Variants in CHD7 observed in about 807,000 individuals in gnomAD.
CHD7 encodes the protein ATP-dependent chromatin remodeler CHD7.
A neutral mutation model predicts 307.3 loss-of-function variants in CHD7; 24 were observed. The observed-to-expected ratio is 0.08, with a 90% CI of 0.06 to 0.11. The LOEUF is 0.11. CHD7 is among the 10% of genes least tolerant of loss of function. The pLI is 1.00. For missense variants in CHD7, 3,106 were observed against 3,727.1 expected (o/e 0.83, Z 4.34); for synonymous variants, 1,363 against 1,349.9 (o/e 1.01, Z -0.21).
chr8:60,734,681 G>A (rs758854440), intron 1 of CHD7, among the ~76,000 whole-genome samples: 6 of 152,180 alleles, frequency 3.9e-5, no homozygotes, highest in Non-Finnish European at 7.3e-5. Flanking sequence ...TAAACTTTGA[G>A]TAGTTTGATA....
In CHD7 at chr8:60,862,513, G is replaced by T. The variant is rs1343184263; in HGVS notation, c.7972-35G>T. The T allele has an allele frequency of 2.0e-6, 3 of 1,533,668 alleles. No homozygotes were observed. The South Asian group carries it at 3.6e-5, about 18-fold the overall frequency. On this transcript the variant is annotated intron_variant, in intron 36 of 37. Coordinates refer to ENST00000423902, the MANE Select transcript of CHD7 (RefSeq NM_017780.4). The stretch of plus-strand genomic sequence containing the variant: ...ATTAACAGAAAGGGGAGGGAAGACT[G>T]TGTTTTTAATCATTTGTCAAATGCC...
rs544185420 is a variant in CHD7, at chr8:60,860,066, T to C, written c.7609-838T>C. 3.4e-4 allele frequency among the ~76,000 whole-genome samples: 52 copies of C among 152,220 alleles called. 1 individual carries two copies. The highest frequency in any genetic ancestry group is 1.2e-3 in the African/African-American group (49 of 41,530). ...AGAGCTGTGGGGAAGGAGAAATGGG[T>C]GTCTGGAGGTTGAAATAACTGTAGA... On this transcript the variant is annotated intron_variant, in intron 34 of 37. Transcript: ENST00000423902.
chr8:60,811,142 G>T (rs1812786521), intron 7 of CHD7, among the ~76,000 whole-genome samples: 1 of 152,166 alleles, frequency 6.6e-6, no homozygotes, highest in Non-Finnish European at 1.5e-5. Flanking sequence ...TGCCAAAAAG[G>T]TTGGGGCCTC....
At position 60,841,931 on chromosome 8, in the gene CHD7, T is replaced by G; in HGVS notation, c.4729T>G (p.Ser1577Ala). 6.2e-7 allele frequency: 1 copy of G among 1,612,328 alleles called. No homozygotes were observed. Among genetic ancestry groups the G allele is most frequent in the South Asian group, 1.1e-5 (1 of 90,726 alleles). ...AVKEDELMEF[S>A]DLESDSEEKP... is the part of the protein sequence containing the mutation. ...GAAGGAAGATGAGCTGATGGAGTTC[T>G]CAGACTTGGAAAGTGATTCTGAAGA... The change falls in exon 21 of 38, where the codon TCA (serine) becomes GCA (alanine). Residue 1577 changes from serine (S) to alanine (A), a missense_variant. Ser to Ala is a moderately conservative substitution (Grantham distance 99). Coordinates refer to ENST00000423902, the MANE Select transcript of CHD7 (RefSeq NM_017780.4).
At position 60,837,677 on chromosome 8, in the gene CHD7, A is replaced by G. The variant is rs1586419356; in HGVS notation, c.4195A>G (p.Arg1399Gly). The part of the protein sequence containing the change: ...NPQNDLQAQA[R>G]CHRIGQSKSV... ...TTCATTTTTCTTCCAGGCTCAGGCT[A>G]GATGTCATAGAATAGGACAGAGCAA... Residue 1399 changes from arginine (R) to glycine (G), a missense_variant, in exon 18 of 38, where the codon AGA becomes GGA. By Grantham distance (125) the Arg-to-Gly change is moderately radical (BLOSUM62 -2). This residue lies in a region of CHD7 where 93 missense variants were observed against 176.4 expected (regional missense o/e 0.53). Coordinates refer to ENST00000423902, the MANE Select transcript of CHD7 (RefSeq NM_017780.4). The G allele has an allele frequency of 6.4e-7, 1 of 1,566,904 alleles. No individual in the cohort carries two copies. The highest frequency in any genetic ancestry group is 8.7e-7 in the Non-Finnish European group (1 of 1,154,742).
chr8:60,865,734 G>A lies in CHD7; in HGVS notation c.8795G>A (p.Gly2932Asp). The change falls in exon 38 of 38, where the codon GGC becomes GAC. Residue 2932 changes from glycine to aspartate, a missense_variant. Transcript: ENST00000423902. The surrounding 1 kb of genome is among the most constrained non-coding windows in gnomAD (Gnocchi z 4.3). Reference protein sequence around the residue: ...PALAGLQNAVGSSEEKAADKA... With the variant: ...PALAGLQNAVDSSEEKAADKA... Reference sequence around the variant, plus strand: ...TTGGCAGGACTTCAGAATGCCGTGGGCTCCAGCGAAGAAAAGGCTGCTGAC... The same window carrying A: ...TTGGCAGGACTTCAGAATGCCGTGGACTCCAGCGAAGAAAAGGCTGCTGAC... 6.2e-7 allele frequency: 1 copy of A among 1,611,838 alleles called. No homozygotes were observed. Among genetic ancestry groups the A allele is most frequent in the Non-Finnish European group, 8.5e-7 (1 of 1,178,562 alleles).
In CHD7 at chr8:60,687,076, C is replaced by T. The variant is rs185165229; in HGVS notation, c.-175+7994C>T. ...GATTACTGGCATGCACCACTGTGCC[C>T]TGTTATATCAACATTTTAGAAATCT... On this transcript the variant is annotated intron_variant, in intron 1 of 37. Coordinates refer to ENST00000423902, the MANE Select transcript of CHD7 (RefSeq NM_017780.4). Among the ~76,000 whole-genome samples, 5 of 152,284 alleles carry T rather than the reference C, an allele frequency of 3.3e-5. No individual in the cohort carries two copies. In the East Asian group the frequency reaches 5.8e-4, roughly 18 times the overall value.
At chr8:60,745,909 A>T (rs1424058632) in intron 2 of CHD7, among the ~76,000 whole-genome samples, 1 of 152,262 alleles carries the variant, frequency 6.6e-6, no homozygotes, top group African/African-American at 2.4e-5. Context: ...CCGAGTGCCT[A>T]GTATAATGTC....
At chr8:60,828,146 C>G (rs1804339526) in intron 13 of CHD7, among the ~76,000 whole-genome samples, 1 of 152,120 alleles carries the variant, frequency 6.6e-6, no homozygotes, top group African/African-American at 2.4e-5. Flanking sequence ...GTATTTACAA[C>G]CAAGCTGACC....
rs1809018923 is a variant in CHD7 at position 60,741,614 on chromosome 8, A to G, written c.182A>G (p.Gln61Arg). Residue 61 changes from glutamine to arginine, a missense_variant, in exon 2 of 38, where the codon CAA becomes CGA. Gln to Arg is a conservative substitution (Grantham distance 43). This residue lies in a region of CHD7 where 998 missense variants were observed against 1,004.5 expected (regional missense o/e 0.99). Coordinates refer to ENST00000423902, the MANE Select transcript of CHD7 (RefSeq NM_017780.4). Reference sequence around the variant, plus strand: ...TCCCTTCATCATCCTTCAACTAATCAAAATCAAACAAAGCTGACACATTTT... The same window carrying G: ...TCCCTTCATCATCCTTCAACTAATCGAAATCAAACAAAGCTGACACATTTT... ...QPSLHHPSTN[Q>R]NQTKLTHFDH... 1 of 1,613,632 alleles carries G rather than the reference A, an allele frequency of 6.2e-7. No individual in the cohort carries two copies. The highest frequency in any genetic ancestry group is 1.3e-5 in the African/African-American group (1 of 74,928).
At chr8:60,792,513 A>G (rs913873402) in intron 3 of CHD7, among the ~76,000 whole-genome samples, 12 of 152,204 alleles carry the variant, frequency 7.9e-5, no homozygotes, top group Non-Finnish European at 5.9e-5. Flanking sequence ...AAATCTTTCC[A>G]TACTCAGATC....
chr8:60,762,866 GA>G (rs1450468162), intron 2 of CHD7, among the ~76,000 whole-genome samples: 2 of 152,160 alleles, frequency 1.3e-5, no homozygotes, highest in Non-Finnish European at 2.9e-5. Context: ...GCAGGGTGGG[GA>G]GACAATGGCA....
chr8:60,819,910 C>T, intron 8 of CHD7, 97 bp from the exon 9 acceptor site: 1 of 844,524 alleles, frequency 1.2e-6, no homozygotes, highest in Middle Eastern at 2.8e-4. Context: ...TTTTATATTG[C>T]TGTGACCCAA....
chr8:60,839,278 C>A (rs1403111133), intron 19 of CHD7, among the ~76,000 whole-genome samples: 1 of 152,220 alleles, frequency 6.6e-6, no homozygotes, highest in African/African-American at 2.4e-5. Context: ...GTAGTTCACT[C>A]CTTTTTATTG....
intron 19 of CHD7, 81 bp downstream of exon 19, chr8:60,838,336 A>T: frequency 7.9e-7 from 1 of 1,262,574 alleles, no homozygotes. Context: ...AAAAGTGCTT[A>T]CAAGATGCAT....
chr8:60,754,440 T>C (rs1034884001), intron 2 of CHD7, among the ~76,000 whole-genome samples: 1 of 152,236 alleles, frequency 6.6e-6, no homozygotes, highest in African/African-American at 2.4e-5. Flanking sequence ...TTAACTACTG[T>C]TGTAGTGATT....
rs775368922 is a variant in CHD7 at position 60,841,954 on chromosome 8, A to G, written c.4752A>G (p.Glu1584=). Residue 1584 remains glutamate (E), a synonymous_variant, in exon 21 of 38, where the codon GAA becomes GAG. Transcript: ENST00000423902. ...MEFSDLESDS[E]EKPCAKPRRP... The stretch of plus-strand genomic sequence containing the variant: ...TCTCAGACTTGGAAAGTGATTCTGA[A>G]GAAAAGCCCTGTGCAAAGCCACGGC... 6.2e-7 allele frequency: 1 copy of G among 1,613,298 alleles called. No individual in the cohort carries two copies. Among genetic ancestry groups the G allele is most frequent in the South Asian group, 1.1e-5 (1 of 90,904 alleles).
At chr8:60,852,351 A>G in intron 29 of CHD7, 104 bp downstream of exon 29, 3 of 1,316,038 alleles carry the variant, frequency 2.3e-6, no homozygotes, top group Non-Finnish European at 2.1e-6. Context: ...AGTGACCACC[A>G]AAGAAAGGCT....
intron 2 of CHD7, among the ~76,000 whole-genome samples, chr8:60,779,843 G>T (rs1357562917): frequency 6.6e-6 from 1 of 152,132 alleles, no homozygotes; most frequent in Non-Finnish European, 1.5e-5. Context: ...CCTCGGACAA[G>T]TTACTTCATC....
Sources: allele counts gnomAD v4.1 joint callset (sites outside exome capture counted in the v4.1 genomes callset), GRCh38; gene constraint gnomAD v4.1.1; regional missense constraint gnomAD v4.1.1; non-coding constraint Gnocchi (gnomAD v3.1); transcripts MANE v1.5; gene names NCBI Gene and HGNC (gene_info 2026-07-23, HGNC 2026-07-21).